The following FCGR2B variants were observed in gnomAD, a reference collection of about 807,000 sequenced individuals.
The protein encoded by FCGR2B is low affinity immunoglobulin gamma Fc region receptor II-b.
Under a neutral mutation model 24.8 loss-of-function variants are expected in FCGR2B, and 18 were observed. That is an observed-to-expected ratio of 0.73 (90% confidence interval 0.50 to 1.08). The LOEUF (loss-of-function observed/expected upper bound fraction) is 1.08, where lower values mean the gene tolerates loss of function less well. Ranked by LOEUF, FCGR2B falls within the 50% of genes least tolerant of loss-of-function variation. The pLI, the probability that FCGR2B is intolerant of heterozygous loss-of-function variation, is 0.00. For missense variants in FCGR2B, 215 were observed against 297.6 expected (o/e 0.72, Z 2.04); for synonymous variants, 79 against 109.8 (o/e 0.72, Z 1.75).
At chr1:161,672,326 T>C (rs1312853754) in intron 3 of FCGR2B, 2 of 159,630 alleles carry the variant, frequency 1.3e-5, no homozygotes, top group African/African-American at 4.8e-5. Context: ...AACATTGTCC[T>C]TGTGGCTTTT....
chr1:161,648,609 T>G, the FCGR2B span, among the ~76,000 whole-genome samples: 1 of 151,192 alleles, frequency 6.6e-6, no homozygotes, highest in African/African-American at 2.4e-5. Flanking sequence ...ATTTTAGATA[T>G]GTCTTTTGTC....
intron 3 of FCGR2B, 62 bp downstream of exon 3, chr1:161,671,711 A>C: frequency 6.2e-7 from 1 of 1,606,046 alleles, no homozygotes; most frequent in South Asian, 1.1e-5. Context: ...ATCTGCTTTC[A>C]GGCAGAGGTT....
chr1:161,676,808 C>A, intron 6 of FCGR2B: 1 of 168,138 alleles, frequency 5.9e-6, no homozygotes, highest in Non-Finnish European at 1.3e-5. Flanking sequence ...TTCCTTTCTC[C>A]TTCCGTCCCT....
chr1:161,673,494 G>T (rs1325002976), intron 4 of FCGR2B: 1 of 724,646 alleles, frequency 1.4e-6, no homozygotes, highest in South Asian at 1.4e-5. Context: ...GCGAAGCAGA[G>T]CTCCCTCGTT....
In FCGR2B at chr1:161,675,300, C is replaced by T. The variant is rs754779647; in HGVS notation, c.804C>T (p.Leu268=). 1.2e-6 allele frequency: 2 copies of T among 1,601,938 alleles called. No homozygotes were observed. The highest frequency in any genetic ancestry group is 2.3e-5 in the East Asian group (1 of 44,176). The part of the protein sequence containing the change: ...YPECREMGET[L]PEKPANPTNP... ...AGTGCAGGGAAATGGGAGAGACCCT[C>T]CCTGAGAAACCAGGTGAGTACAGGT... Residue 268 remains leucine (L), a synonymous_variant, in exon 6 of 8, where the codon CTC becomes CTT. Coordinates refer to ENST00000358671, the MANE Select transcript of FCGR2B (RefSeq NM_001394477.1).
rs1681776491 is a variant in FCGR2B, at chr1:161,672,707, T to A, written c.392-268T>A. On this transcript the variant is annotated intron_variant, in intron 3 of 7. Coordinates refer to ENST00000358671, the MANE Select transcript of FCGR2B (RefSeq NM_001394477.1). ...CTGGGAGAAGGAGGAGATGAGTGTA[T>A]CCTGAACACCTATTATGTGCTAGGG... is the stretch of plus-strand genomic sequence containing the variant. The A allele has an allele frequency of 8.9e-6, 5 of 559,366 alleles. No homozygotes were observed. The Admixed American group carries it at 1.6e-4, about 18-fold the overall frequency. The allele number at this position is 559,366 out of a possible 1,614,324, so 34.7% of individuals were successfully genotyped here. A position where few individuals can be genotyped will look rare whatever the true frequency, so the allele number is the denominator to read the frequency against.
chr1:161,678,166 G>C lies in FCGR2B; in HGVS notation c.*613G>C, dbSNP rs1571036245. ...TAGGAAGGCAGGAATGGATAGGATA[G>C]GGGGAGGAGAGGAGAGATGGGGATT... On this transcript the variant is annotated 3_prime_UTR_variant, in exon 8 of 8. Coordinates refer to ENST00000358671, the MANE Select transcript of FCGR2B (RefSeq NM_001394477.1). 4.5e-6 allele frequency: 1 copy of C among 223,246 alleles called. No homozygotes were observed. The highest frequency in any genetic ancestry group is 2.2e-5 in the African/African-American group (1 of 44,746). The allele number at this position is 223,246 out of a possible 1,614,324, so 13.8% of individuals were successfully genotyped here.
rs1480128791 is a variant in FCGR2B at position 161,677,540 on chromosome 1, A to G, written c.920A>G (p.Gln307Arg). Reference protein sequence around the residue: ...HPDALEEPDDQNRI With the variant: ...HPDALEEPDDRNRI ...GATGCTCTGGAAGAGCCTGATGACC[A>G]GAACCGTATTTAGTCTCCATTGTCT... Residue 307 changes from glutamine to arginine, a missense_variant, in exon 8 of 8, where the codon CAG becomes CGG. Around this residue, in one of 5 missense-constraint regions of FCGR2B, gnomAD observed 81 missense variants for 81.6 expected, o/e 0.99. Transcript: ENST00000358671. The G allele has an allele frequency of 4.3e-6, 7 of 1,612,426 alleles. 1 individual carries two copies. The Middle Eastern group carries it at 1.2e-3, about 266-fold the overall frequency.
chr1:161,678,099 C>G lies in FCGR2B; in HGVS notation c.*546C>G, dbSNP rs185572543. 4.6e-6 allele frequency: 1 copy of G among 219,208 alleles called. No homozygotes were observed. The highest frequency in any genetic ancestry group is 9.1e-6 in the Non-Finnish European group (1 of 109,428). The allele number at this position is 219,208 out of a possible 1,614,324, so 13.6% of individuals were successfully genotyped here. Reference sequence around the variant, plus strand: ...AAGGCTGTATTGGTTGGAGTGTAGACTGAACTGCCTGGGGTCTGTTTCTCT... The same window carrying G: ...AAGGCTGTATTGGTTGGAGTGTAGAGTGAACTGCCTGGGGTCTGTTTCTCT... On this transcript the variant is annotated 3_prime_UTR_variant, in exon 8 of 8. Coordinates refer to ENST00000358671, the MANE Select transcript of FCGR2B (RefSeq NM_001394477.1).
At chr1:161,673,282 G>A in intron 4 of FCGR2B, 53 bp downstream of exon 4, 5 of 1,594,792 alleles carry the variant, frequency 3.1e-6, no homozygotes, top group Non-Finnish European at 4.3e-6. Context: ...ATGGACAAGG[G>A]CTGAGGTCAC....
At chr1:161,654,768 T>C in the FCGR2B span, among the ~76,000 whole-genome samples, 1 of 137,256 alleles carries the variant, frequency 7.3e-6, no homozygotes, top group Non-Finnish European at 1.7e-5. Flanking sequence ...CTAGCCCTCT[T>C]TAGAAACACC....
chr1:161,673,578 T>G, intron 4 of FCGR2B: 1 of 690,128 alleles, frequency 1.4e-6, no homozygotes, highest in Non-Finnish European at 2.7e-6. Context: ...ATGGCTCATG[T>G]TACAGCCATT....
rs1024711231 is a variant in FCGR2B, at chr1:161,678,477, G to A, written c.*924G>A. ...GGTGTGTAGTAGGCCACACCATTTAGGTTTGTATAAGTACCTGCTATGATG... is the reference window on the plus strand; with the variant it reads ...GGTGTGTAGTAGGCCACACCATTTAAGTTTGTATAAGTACCTGCTATGATG... On this transcript the variant is annotated 3_prime_UTR_variant, in exon 8 of 8. Coordinates refer to ENST00000358671, the MANE Select transcript of FCGR2B (RefSeq NM_001394477.1). The A allele has an allele frequency of 9.2e-6, 2 of 217,922 alleles. No individual in the cohort carries two copies. The highest frequency in any genetic ancestry group is 5.8e-5 in the Admixed American group (1 of 17,244). 13.5% of individuals were successfully genotyped at this position (217,922 alleles called of 1,614,324 possible).
chr1:161,649,894 G>A, the FCGR2B span, among the ~76,000 whole-genome samples: 1 of 150,202 alleles, frequency 6.7e-6, no homozygotes, highest in Non-Finnish European at 1.5e-5. Flanking sequence ...TTTATTGATT[G>A]GATGGGAATG....
intron 1 of FCGR2B, among the ~76,000 whole-genome samples, chr1:161,663,761 G>C (rs1213614626): frequency 6.6e-6 from 1 of 152,260 alleles, no homozygotes; most frequent in Non-Finnish European, 1.5e-5. Context: ...GGAGGAAGTT[G>C]TAAGATGCAT....
rs1029423056 is a variant in FCGR2B at position 161,678,584 on chromosome 1, C to G, written c.*1031C>G. 4 of 211,828 alleles carry G rather than the reference C, an allele frequency of 1.9e-5. No homozygotes were observed. The highest frequency in any genetic ancestry group is 9.1e-5 in the African/African-American group (4 of 44,080). The allele number at this position is 211,828 out of a possible 1,614,324, so 13.1% of individuals were successfully genotyped here. The stretch of plus-strand genomic sequence containing the variant: ...CATGACTGTACTCTTCTGCCAATGA[C>G]CTTGTATTCTTGTTTCCATGTCTTC... On this transcript the variant is annotated 3_prime_UTR_variant, in exon 8 of 8. Coordinates refer to ENST00000358671, the MANE Select transcript of FCGR2B (RefSeq NM_001394477.1).
chr1:161,661,167 AAAG>A (rs1238438894), upstream of FCGR2B, among the ~76,000 whole-genome samples: 9 of 126,610 alleles, frequency 7.1e-5, no homozygotes, highest in African/African-American at 2.3e-4. Flanking sequence ...AGAAAGAAAG[AAAG>A]AAGGAAGGAA....
chr1:161,655,371 G>GCTA, the FCGR2B span, among the ~76,000 whole-genome samples: 1 of 114,394 alleles, frequency 8.7e-6, no homozygotes, highest in Admixed American at 9.9e-5. Flanking sequence ...GTTTCTCTGA[G>GCTA]CTACTATATT....
Position 161,677,665 on chromosome 1 carries a change from A to G in FCGR2B, c.*112A>G, listed in dbSNP as rs1436490295. On this transcript the variant is annotated 3_prime_UTR_variant, in exon 8 of 8. Transcript: ENST00000358671. ...CAGGGAGATGCTGCAGTTCCAAAAGAGAAGGTTTCTTCCAGAGTCATCTAC... is the reference window on the plus strand; with the variant it reads ...CAGGGAGATGCTGCAGTTCCAAAAGGGAAGGTTTCTTCCAGAGTCATCTAC... 4.3e-5 allele frequency: 36 copies of G among 840,784 alleles called. 1 individual carries two copies. The South Asian group carries it at 4.4e-4, about 10-fold the overall frequency. 52.1% of individuals were successfully genotyped at this position (840,784 alleles called of 1,614,324 possible).
Sources: allele counts gnomAD v4.1 joint callset (sites outside exome capture counted in the v4.1 genomes callset), GRCh38; gene constraint gnomAD v4.1.1; regional missense constraint gnomAD v4.1.1; transcripts MANE v1.5; gene names NCBI Gene and HGNC (gene_info 2026-07-23, HGNC 2026-07-21).